POFUT2: variants seen among roughly 807,000 people sequenced by gnomAD.
POFUT2 encodes the protein GDP-fucose protein O-fucosyltransferase 2.
Under a neutral mutation model 55.0 loss-of-function variants are expected in POFUT2, and 30 were observed. That is an observed-to-expected ratio of 0.55 (90% CI 0.41 to 0.74). The LOEUF (loss-of-function observed/expected upper bound fraction) is 0.74. Ranked by LOEUF, POFUT2 falls within the 30% of genes least tolerant of loss-of-function variation. The pLI is 0.00. For missense variants in POFUT2, 524 were observed against 562.6 expected, an observed-to-expected ratio of 0.93 and a Z score of 0.69; for synonymous variants, 267 against 231.1, an observed-to-expected ratio of 1.16 and a Z score of -1.41.
chr21:45,283,449 T>C lies in POFUT2; in HGVS notation c.461A>G (p.Glu154Gly). ...AATACACGGCCGCTCGTCCACCTTC[T>C]CTTCCCAGGTCCCTTCTTTCCACCC... ...AEGWKEGTWE[E>G]KVDERPCIDQ... Residue 154 changes from glutamate (E) to glycine (G), a missense_variant, in exon 3 of 9, where the codon GAG becomes GGG. By Grantham distance (98) the Glu-to-Gly change is moderately conservative. Coordinates refer to ENST00000349485, the MANE Select transcript of POFUT2 (RefSeq NM_133635.6). 6.2e-7 allele frequency: 1 copy of C among 1,613,818 alleles called. No homozygotes were observed. The highest frequency in any genetic ancestry group is 8.5e-7 in the Non-Finnish European group (1 of 1,179,892).
Position 45,277,339 on chromosome 21 carries a change from A to G in POFUT2, c.706-197T>C. On this transcript the variant is annotated intron_variant, in intron 5 of 8. Coordinates refer to ENST00000349485, the MANE Select transcript of POFUT2 (RefSeq NM_133635.6). This position sits in a 1 kb window ranked among gnomAD's most constrained non-coding sequence, Gnocchi z 6.9. ...AGGGTCTCCTGCATGAAGCCAACGC[A>G]GGGCAAGCCGCCCACCCCTGCCGGC... is the stretch of plus-strand genomic sequence containing the variant. The G allele has an allele frequency of 1.5e-6, 1 of 678,354 alleles. No homozygotes were observed. The highest frequency in any genetic ancestry group is 2.4e-6 in the Non-Finnish European group (1 of 421,626). The allele number at this position is 678,354 out of a possible 1,614,324, so 42.0% of individuals were successfully genotyped here.
Position 45,277,471 on chromosome 21 carries a change from A to G in POFUT2, c.706-329T>C, listed in dbSNP as rs554733781. The G allele has an allele frequency of 6.0e-6, 2 of 331,310 alleles. No individual in the cohort carries two copies. The highest frequency in any genetic ancestry group is 7.3e-5 in the East Asian group (1 of 13,706). 20.5% of individuals were successfully genotyped at this position (331,310 alleles called of 1,614,324 possible). On this transcript the variant is annotated intron_variant, in intron 5 of 8. Transcript: ENST00000349485. The surrounding 1 kb of genome is among the most constrained non-coding windows in gnomAD (Gnocchi z 6.9). ...GCTCCTTCCCCTCAGTCTCTCCCCA[A>G]CTCGACTTCTAGCTTAGGCGGTTAG...
rs749055946 is a variant in POFUT2, at chr21:45,284,491, C to T, written c.383-964G>A. Among the ~76,000 whole-genome samples, 16 of 152,178 alleles carry T rather than the reference C, an allele frequency of 1.1e-4. No individual in the cohort carries two copies. The highest frequency in any genetic ancestry group is 3.6e-4 in the African/African-American group (15 of 41,440). On this transcript the variant is annotated intron_variant, in intron 2 of 8. Coordinates refer to ENST00000349485, the MANE Select transcript of POFUT2 (RefSeq NM_133635.6). This position sits in a 1 kb window ranked among gnomAD's most constrained non-coding sequence, Gnocchi z 5.8. ...CCCAGTTCCTTCCCCACCTCACAGGCGAGGAAACAGCTCAGCAAAGCCCCA... is the reference window on the plus strand; with the variant it reads ...CCCAGTTCCTTCCCCACCTCACAGGTGAGGAAACAGCTCAGCAAAGCCCCA...
Position 45,281,201 on chromosome 21 carries a change from C to T in POFUT2, c.638+1148G>A, listed in dbSNP as rs2030596560. 6.6e-6 allele frequency among the ~76,000 whole-genome samples: 1 copy of T among 152,184 alleles called. No homozygotes were observed. The highest frequency in any genetic ancestry group is 1.5e-5 in the Non-Finnish European group (1 of 68,036). On this transcript the variant is annotated intron_variant, in intron 4 of 8. Transcript: ENST00000349485. This position sits in a 1 kb window ranked among gnomAD's most constrained non-coding sequence, Gnocchi z 5.0. ...AGAAGCGTTTCTCCTAAATCAGGAC[C>T]ATCTAGTTGGAAGCCCCCTCTGGGC...
intron 8 of POFUT2, chr21:45,266,685 G>A (rs1479108338): frequency 6.3e-5 from 63 of 1,004,516 alleles, no homozygotes; most frequent in Non-Finnish European, 7.1e-5. Context: ...AGCATCACCC[G>A]GAGCCTCTGT....
At chr21:45,269,301 T>C (rs899314688) in intron 7 of POFUT2, among the ~76,000 whole-genome samples, 4 of 152,134 alleles carry the variant, frequency 2.6e-5, no homozygotes, top group Non-Finnish European at 4.4e-5. Context: ...CAACAGCTCA[T>C]TGAGAACAGG....
Position 45,282,534 on chromosome 21 carries a change from G to T in POFUT2, c.528-75C>A. ...AGGAAAACAAATCAAGTCTAGACAC[G>T]CACACACTGTGGCTTGCTCCTGATG... On this transcript the variant is annotated intron_variant, in intron 3 of 8. Transcript: ENST00000349485. The surrounding 1 kb of genome is among the most constrained non-coding windows in gnomAD (Gnocchi z 4.6). 1 of 843,884 alleles carries T rather than the reference G, an allele frequency of 1.2e-6. No homozygotes were observed. Among genetic ancestry groups the T allele is most frequent in the South Asian group, 1.4e-5 (1 of 71,270 alleles). 52.3% of individuals were successfully genotyped at this position (843,884 alleles called of 1,614,324 possible).
intron 6 of POFUT2, among the ~76,000 whole-genome samples, chr21:45,274,874 A>G (rs2093249265): frequency 6.6e-6 from 1 of 152,230 alleles, no homozygotes; most frequent in Non-Finnish European, 1.5e-5. Flanking sequence ...ACACTGGCTT[A>G]GGCAAAGAGT....
At chr21:45,276,775 C>T (rs528048084) in intron 6 of POFUT2, among the ~76,000 whole-genome samples, 17 of 152,138 alleles carry the variant, frequency 1.1e-4, no homozygotes, top group African/African-American at 3.4e-4. Flanking sequence ...CATGACTGCC[C>T]GTGTTACTAA....
Position 45,282,818 on chromosome 21 carries a change from A to G in POFUT2, c.528-359T>C, listed in dbSNP as rs757676322. 6 of 489,322 alleles carry G rather than the reference A, an allele frequency of 1.2e-5. No individual in the cohort carries two copies. Among genetic ancestry groups the G allele is most frequent in the African/African-American group, 2.0e-5 (1 of 50,980 alleles). The allele number at this position is 489,322 out of a possible 1,614,324, so 30.3% of individuals were successfully genotyped here. On this transcript the variant is annotated intron_variant, in intron 3 of 8. Transcript: ENST00000349485. This position sits in a 1 kb window ranked among gnomAD's most constrained non-coding sequence, Gnocchi z 4.6. Reference sequence around the variant, plus strand: ...CAAGAGCTCACCTGCCATGCTTTAGAGCCAGCTGCCCTGGCACTGGACACA... The same window carrying G: ...CAAGAGCTCACCTGCCATGCTTTAGGGCCAGCTGCCCTGGCACTGGACACA...
At chr21:45,268,819 T>G (rs1602157795) in intron 7 of POFUT2, among the ~76,000 whole-genome samples, 6 of 128,014 alleles carry the variant, frequency 4.7e-5, no homozygotes, top group South Asian at 2.7e-4. Flanking sequence ...GGTGGGGGGG[T>G]CAGCCCTCCG....
Position 45,282,564 on chromosome 21 carries a change from G to A in POFUT2, c.528-105C>T, listed in dbSNP as rs1325719682. 2.1e-5 allele frequency: 15 copies of A among 714,860 alleles called. No homozygotes were observed. Among genetic ancestry groups the A allele is most frequent in the South Asian group, 7.8e-5 (5 of 63,924 alleles). 44.3% of individuals were successfully genotyped at this position (714,860 alleles called of 1,614,324 possible). A position where few individuals can be genotyped will look rare whatever the true frequency, so the allele number is the denominator to read the frequency against. ...CACTGTGGCTTGCTCCTGATGAAAC[G>A]CGGCTGCTTTAGGAAAACTTACTGA... On this transcript the variant is annotated intron_variant, in intron 3 of 8. Transcript: ENST00000349485. This position sits in a 1 kb window ranked among gnomAD's most constrained non-coding sequence, Gnocchi z 4.6.
At chr21:45,268,784 C>G (rs1308490362) in intron 7 of POFUT2, among the ~76,000 whole-genome samples, 17 of 147,344 alleles carry the variant, frequency 1.2e-4, no homozygotes, top group African/African-American at 2.8e-4. Context: ...CGTCTCCGCC[C>G]GGCAGCCACC....
chr21:45,265,573 A>C lies in POFUT2; in HGVS notation c.1199T>G (p.Leu400Arg). 1 of 1,614,126 alleles carries C rather than the reference A, an allele frequency of 6.2e-7. No individual in the cohort carries two copies. Residue 400 changes from leucine to arginine, a missense_variant, in exon 9 of 9, where the codon CTG (leucine) becomes CGG (arginine). By Grantham distance (102) the Leu-to-Arg change is moderately radical. This residue lies in a region of POFUT2 where 250 missense variants were observed against 318.2 expected (regional missense o/e 0.79). Transcript: ENST00000349485. The surrounding 1 kb of genome is among the most constrained non-coding windows in gnomAD (Gnocchi z 4.6). ...SFRIHEEREILGLDPKTTYNR... is the reference protein window; with the variant it reads ...SFRIHEEREIRGLDPKTTYNR... ...GTACGTCGTCTTGGGGTCCAACCCCAGGATTTCTCTTTCCTCATGAATCCG... is the reference window on the plus strand; with the variant it reads ...GTACGTCGTCTTGGGGTCCAACCCCCGGATTTCTCTTTCCTCATGAATCCG...
rs938725636 is a variant in POFUT2 at position 45,268,141 on chromosome 21, G to A, written c.1013-428C>T. The stretch of plus-strand genomic sequence containing the variant: ...GCCGAGTGCCTGCGATTGCAGGCAC[G>A]CGCCACCACGCCTGACTGGTTTTGG... On this transcript the variant is annotated intron_variant, in intron 7 of 8. Coordinates refer to ENST00000349485, the MANE Select transcript of POFUT2 (RefSeq NM_133635.6). Among the ~76,000 whole-genome samples, 29 of 152,220 alleles carry A rather than the reference G, an allele frequency of 1.9e-4. 1 individual carries two copies. Among genetic ancestry groups the A allele is most frequent in the African/African-American group, 6.3e-4 (26 of 41,570 alleles).
intron 8 of POFUT2, chr21:45,266,737 G>A: frequency 4.0e-6 from 4 of 998,478 alleles, no homozygotes; most frequent in Non-Finnish European, 4.8e-6. Context: ...GGAAATAGCA[G>A]ATGTGTGAAG....
intron 6 of POFUT2, among the ~76,000 whole-genome samples, chr21:45,275,318 G>C (rs2093253094): frequency 6.6e-6 from 1 of 152,178 alleles, no homozygotes; most frequent in Non-Finnish European, 1.5e-5. Flanking sequence ...GACACTCCTG[G>C]TGGGAATGTC....
intron 1 of POFUT2, among the ~76,000 whole-genome samples, chr21:45,286,641 T>G (rs1052402403): frequency 6.6e-6 from 1 of 152,356 alleles, no homozygotes; most frequent in Non-Finnish European, 1.5e-5. Flanking sequence ...TTAAGATCAC[T>G]GCCCTAGAGG....
At chr21:45,287,612 T>A in intron 1 of POFUT2, 129 bp downstream of exon 1, 1 of 538,102 alleles carries the variant, frequency 1.9e-6, no homozygotes, top group Middle Eastern at 7.6e-4. Flanking sequence ...CGGACCACCC[T>A]CCATCCCGTG....
Sources: gnomAD v4.1 joint callset for allele counts (sites outside exome capture counted in the v4.1 genomes callset) on GRCh38, gnomAD v4.1.1 for gene constraint, gnomAD v4.1.1 regional missense constraint, Gnocchi (gnomAD v3.1) non-coding constraint, MANE v1.5 for transcripts, NCBI Gene and HGNC (gene_info 2026-07-23, HGNC 2026-07-21) for gene names.